Variants in HSPD1 observed in about 807,000 individuals in gnomAD.
The protein encoded by HSPD1 is 60 kDa heat shock protein, mitochondrial.
HSPD1 carries 3 observed loss-of-function variants against 53.0 expected under a neutral mutation model. The observed-to-expected ratio is 0.06, with a 90% CI of 0.03 to 0.15. HSPD1 has a LOEUF of 0.15. Ranked by LOEUF, HSPD1 falls within the 10% of genes least tolerant of loss-of-function variation. HSPD1 has a pLI of 1.00. For synonymous variants in HSPD1, 200 were observed against 228.0 expected (o/e 0.88, Z 1.10); for missense variants, 431 against 694.1 (o/e 0.62, Z 4.26).
chr2:197,491,880 T>C (rs2086097575), intron 7 of HSPD1, among the ~76,000 whole-genome samples: 1 of 152,232 alleles, frequency 6.6e-6, no homozygotes, highest in Non-Finnish European at 1.5e-5. Flanking sequence ...GGCTCATGCC[T>C]GTAATCCCAG....
At chr2:197,491,228 C>T (rs1346010303) in intron 7 of HSPD1, among the ~76,000 whole-genome samples, 2 of 149,502 alleles carry the variant, frequency 1.3e-5, no homozygotes, top group Admixed American at 6.7e-5. Context: ...TGCTCTGTCG[C>T]CCAGGCTGGA....
Position 197,494,749 on chromosome 2 carries a change from C to T in HSPD1, c.514G>A (p.Ala172Thr). 6.2e-7 allele frequency: 1 copy of T among 1,602,888 alleles called. No homozygotes were observed. Among genetic ancestry groups the T allele is most frequent in the Non-Finnish European group, 8.5e-7 (1 of 1,169,898 alleles). ...TTGTCTCCGTTTGCAGAAATCGTAG[C>T]AACCTGAAATAATCCAGTTACTCTT... ...VTTPEEIAQV[A>T]TISANGDKEI... The change falls in exon 5 of 12, where the codon GCT becomes ACT. Residue 172 changes from alanine (A) to threonine (T), a missense_variant. Coordinates refer to ENST00000388968, the MANE Select transcript of HSPD1 (RefSeq NM_002156.5).
intron 5 of HSPD1, 97 bp from the exon 6 acceptor site, chr2:197,494,347 G>A (rs1574601081): frequency 2.7e-6 from 2 of 750,464 alleles, no homozygotes; most frequent in African/African-American, 1.7e-5. Flanking sequence ...CTGGCCATAA[G>A]AGATGCAGGG....
chr2:197,497,592 C>G (rs963331216), intron 2 of HSPD1, 200 bp from the exon 3 acceptor site: 3 of 607,036 alleles, frequency 4.9e-6, no homozygotes, highest in South Asian at 2.0e-5. Flanking sequence ...GATTCTCTGC[C>G]AAGAGCATAA....
intron 7 of HSPD1, among the ~76,000 whole-genome samples, chr2:197,493,050 C>A (rs1331471539): frequency 6.6e-6 from 1 of 151,460 alleles, no homozygotes; most frequent in Non-Finnish European, 1.5e-5. Flanking sequence ...TTCAAAACAA[C>A]TGTAAACACT....
intron 2 of HSPD1, 134 bp downstream of exon 2, chr2:197,498,541 T>C: frequency 1.2e-6 from 1 of 829,396 alleles, no homozygotes. Context: ...AACCAATACT[T>C]CAGAATTCTT....
intron 9 of HSPD1, among the ~76,000 whole-genome samples, 199 bp downstream of exon 9, chr2:197,488,803 G>A (rs2106071276): frequency 6.6e-6 from 1 of 152,340 alleles, no homozygotes; most frequent in East Asian, 1.9e-4. Flanking sequence ...AAGAGGCGGA[G>A]GTTGCAGTGC....
intron 3 of HSPD1, among the ~76,000 whole-genome samples, chr2:197,495,938 AC>A (rs2106078002): frequency 6.6e-6 from 1 of 152,302 alleles, no homozygotes; most frequent in South Asian, 2.1e-4. Flanking sequence ...CAAAAGTCTC[AC>A]CACTGAACTC....
At chr2:197,497,881 C>A (rs2086178197) in intron 2 of HSPD1, among the ~76,000 whole-genome samples, 1 of 152,196 alleles carries the variant, frequency 6.6e-6, no homozygotes, top group African/African-American at 2.4e-5. Flanking sequence ...ACTAAAGCTG[C>A]TACTTTCTAT....
chr2:197,497,984 C>A (rs899026485), intron 2 of HSPD1, among the ~76,000 whole-genome samples: 10 of 152,202 alleles, frequency 6.6e-5, no homozygotes, highest in Non-Finnish European at 1.3e-4. Context: ...CACTTGACTG[C>A]ACACCACCTT....
intron 3 of HSPD1, among the ~76,000 whole-genome samples, chr2:197,496,603 A>C (rs887279383): frequency 2.6e-5 from 4 of 152,382 alleles, no homozygotes; most frequent in Admixed American, 2.6e-4. Context: ...TACTGCCATG[A>C]ACCTCATGAG....
Position 197,497,112 on chromosome 2 carries a change from AC to A in HSPD1, c.427+27del, listed in dbSNP as rs780179485. On this transcript the variant is annotated intron_variant, in intron 3 of 11. Transcript: ENST00000388968. ...GCCTTAAAGCACACTGAAGTTTAGA[AC>A]ACTGTGGTGACAACAGACATTCCTA... 3.7e-6 allele frequency: 6 copies of A among 1,611,078 alleles called. No individual in the cohort carries two copies. In the Admixed American group the frequency reaches 1.0e-4, roughly 27 times the overall value.
intron 9 of HSPD1, among the ~76,000 whole-genome samples, chr2:197,488,741 G>A (rs533524603): frequency 3.3e-4 from 50 of 152,254 alleles, no homozygotes; most frequent in African/African-American, 1.1e-3. Context: ...GGTGGCAAGT[G>A]CCTGTAATCC....
chr2:197,499,309 CT>C (rs943938488), intron 1 of HSPD1: 4 of 223,600 alleles, frequency 1.8e-5, no homozygotes, highest in African/African-American at 9.3e-5. Context: ...CCCAAGGCTA[CT>C]GTATCAGAGC....
intron 6 of HSPD1, 50 bp downstream of exon 6, chr2:197,494,107 T>TG (rs1559302435): frequency 1.1e-6 from 1 of 913,256 alleles, no homozygotes; most frequent in Non-Finnish European, 1.8e-6. Flanking sequence ...AATGAGACTC[T>TG]GTCTAAAATA....
intron 3 of HSPD1, 62 bp downstream of exon 3, chr2:197,497,078 G>T: frequency 6.6e-7 from 1 of 1,510,706 alleles, no homozygotes; most frequent in Non-Finnish European, 9.2e-7. Flanking sequence ...TTAGGTCCAA[G>T]GAATCAATGC....
intron 2 of HSPD1, 38 bp from the exon 3 acceptor site, chr2:197,497,430 A>T: frequency 1.2e-6 from 2 of 1,603,764 alleles, no homozygotes; most frequent in South Asian, 2.2e-5. Flanking sequence ...GACATACCCT[A>T]AGGATGATTT....
intron 1 of HSPD1, among the ~76,000 whole-genome samples, 165 bp downstream of exon 1, chr2:197,499,617 C>T (rs745354112): frequency 6.6e-6 from 1 of 152,160 alleles, no homozygotes; most frequent in Non-Finnish European, 1.5e-5. Flanking sequence ...TGATGGAACC[C>T]GCATGGACCC....
chr2:197,495,192 G>T, intron 4 of HSPD1, 102 bp downstream of exon 4: 1 of 718,352 alleles, frequency 1.4e-6, no homozygotes, highest in South Asian at 1.5e-5. Context: ...ATTGATGATT[G>T]GGTAGTATTG....
Sources: gnomAD v4.1 joint callset for allele counts (sites outside exome capture counted in the v4.1 genomes callset) on GRCh38, gnomAD v4.1.1 for gene constraint, MANE v1.5 for transcripts, NCBI Gene and HGNC (gene_info 2026-07-23, HGNC 2026-07-21) for gene names.